LGSN: variants seen among roughly 807,000 people sequenced by gnomAD.
The protein encoded by LGSN is lengsin, lens protein with glutamine synthetase domain, also known as lengsin.
A neutral mutation model predicts 19.5 loss-of-function variants in LGSN; 21 were observed. That is an observed-to-expected ratio of 1.07 (90% CI 0.76 to 1.55). LGSN has a LOEUF of 1.55. Ranked by LOEUF, LGSN falls within the 40% of genes most tolerant of loss-of-function variation. The pLI is 0.00. For synonymous variants in LGSN, 257 were observed against 215.6 expected (o/e 1.19, Z -1.68); for missense variants, 673 against 608.5 (o/e 1.11, Z -1.12).
chr6:63,463,704 C>A, the LGSN span, among the ~76,000 whole-genome samples: 1 of 152,106 alleles, frequency 6.6e-6, no homozygotes, highest in Non-Finnish European at 1.5e-5. Flanking sequence ...GGTACTCAAC[C>A]AAACTAGGCT....
chr6:63,460,097 T>TG, the LGSN span, among the ~76,000 whole-genome samples: 1 of 131,196 alleles, frequency 7.6e-6, no homozygotes, highest in Non-Finnish European at 1.6e-5. Context: ...AAGATTTCAT[T>TG]CCCTTTTTTT....
chr6:63,530,789 A>G, the LGSN span, among the ~76,000 whole-genome samples: 4 of 152,172 alleles, frequency 2.6e-5, no homozygotes, highest in African/African-American at 7.2e-5. Flanking sequence ...GTATTTTAAC[A>G]TTGAATAAAT....
chr6:63,319,382 G>T (rs1768998754), intron 1 of LGSN, among the ~76,000 whole-genome samples: 1 of 152,160 alleles, frequency 6.6e-6, no homozygotes, highest in Non-Finnish European at 1.5e-5. Flanking sequence ...CAAGAGTGAA[G>T]GTTGGGTACA....
At chr6:63,444,174 C>T in the LGSN span, among the ~76,000 whole-genome samples, 4 of 152,122 alleles carry the variant, frequency 2.6e-5, no homozygotes, top group Non-Finnish European at 2.9e-5. Flanking sequence ...TCAGTATTCA[C>T]TCATTTAATC....
the LGSN span, among the ~76,000 whole-genome samples, chr6:63,368,008 T>TAAATG: frequency 2.0e-5 from 3 of 150,704 alleles, no homozygotes; most frequent in Non-Finnish European, 4.4e-5. Context: ...AGTTAAGGGG[T>TAAATG]ACAGCACACC....
chr6:63,475,038 A>G, the LGSN span, among the ~76,000 whole-genome samples: 2 of 152,186 alleles, frequency 1.3e-5, no homozygotes, highest in Non-Finnish European at 2.9e-5. Context: ...TCCATTGTAG[A>G]CGTTCAACTA....
At chr6:63,298,276 T>A (rs1409502260) in intron 1 of LGSN, among the ~76,000 whole-genome samples, 2 of 152,184 alleles carry the variant, frequency 1.3e-5, no homozygotes, top group Admixed American at 1.3e-4. Context: ...GAGATCCCCA[T>A]GCGTTTGTGT....
chr6:63,463,840 C>T, the LGSN span, among the ~76,000 whole-genome samples: 2 of 152,110 alleles, frequency 1.3e-5, no homozygotes, highest in Non-Finnish European at 2.9e-5. Context: ...TAATTTAATA[C>T]TTGAACAAAC....
chr6:63,517,693 C>T, the LGSN span, among the ~76,000 whole-genome samples: 3 of 152,056 alleles, frequency 2.0e-5, no homozygotes, highest in African/African-American at 7.2e-5. Context: ...CAGAAATTGT[C>T]AATAATGATC....
chr6:63,286,430 C>T (rs935552100), intron 2 of LGSN, among the ~76,000 whole-genome samples: 7 of 151,958 alleles, frequency 4.6e-5, no homozygotes, highest in East Asian at 3.9e-4. Context: ...ACATTCTTTT[C>T]GAGACTTTTA....
chr6:63,404,905 C>T, the LGSN span, among the ~76,000 whole-genome samples: 1 of 151,900 alleles, frequency 6.6e-6, no homozygotes, highest in Non-Finnish European at 1.5e-5. Flanking sequence ...ACTGCACCCA[C>T]TAACTCATCA....
the LGSN span, among the ~76,000 whole-genome samples, chr6:63,565,753 A>C: frequency 6.6e-6 from 1 of 152,202 alleles, no homozygotes; most frequent in African/African-American, 2.4e-5. Flanking sequence ...TAAATTTCCC[A>C]CAGAAATTAG....
At chr6:63,291,405 G>A (rs903363049) in intron 2 of LGSN, among the ~76,000 whole-genome samples, 5 of 152,194 alleles carry the variant, frequency 3.3e-5, no homozygotes, top group African/African-American at 1.2e-4. Context: ...GTGGCTCTCA[G>A]TGGGATGGTT....
the LGSN span, among the ~76,000 whole-genome samples, chr6:63,358,843 G>T: frequency 0.016 from 2,373 of 152,186 alleles, 67 homozygotes; most frequent in African/African-American, 0.055. Flanking sequence ...CTGCCTGAGT[G>T]CCCTGTCCAG....
the LGSN span, among the ~76,000 whole-genome samples, chr6:63,402,389 C>G: frequency 6.7e-6 from 1 of 150,232 alleles, no homozygotes; most frequent in Non-Finnish European, 1.5e-5. Flanking sequence ...AATTTAAGAA[C>G]TTGACCATGA....
At chr6:63,330,468 G>T in the LGSN span, among the ~76,000 whole-genome samples, 1 of 152,120 alleles carries the variant, frequency 6.6e-6, no homozygotes, top group South Asian at 2.1e-4. Context: ...TGATATCTGC[G>T]GCTGATTAGG....
At position 63,279,976 on chromosome 6, in the gene LGSN, T is replaced by C. The variant is rs746752150; in HGVS notation, c.*45A>G. On this transcript the variant is annotated 3_prime_UTR_variant, in exon 4 of 4. Transcript: ENST00000370657. ...GTCTTTTTGTTTTGGTAGATTAGCT[T>C]TAAGTAACAATTACATGTCTAAAGG... 8 of 1,489,646 alleles carry C rather than the reference T, an allele frequency of 5.4e-6. No homozygotes were observed. Among genetic ancestry groups the C allele is most frequent in the Non-Finnish European group, 7.2e-6 (8 of 1,110,438 alleles). 92.3% of individuals were successfully genotyped at this position (1,489,646 alleles called of 1,614,324 possible). A position where few individuals can be genotyped will look rare whatever the true frequency, so the allele number is the denominator to read the frequency against.
At chr6:63,287,722 A>G (rs1251211036) in intron 2 of LGSN, among the ~76,000 whole-genome samples, 1 of 152,080 alleles carries the variant, frequency 6.6e-6, no homozygotes, top group Non-Finnish European at 1.5e-5. Context: ...TAATAATAAT[A>G]ATATGGAAAT....
the LGSN span, among the ~76,000 whole-genome samples, chr6:63,435,847 CT>C: frequency 6.8e-6 from 1 of 147,554 alleles, no homozygotes; most frequent in Non-Finnish European, 1.5e-5. Context: ...CGAAAGTTTT[CT>C]TTCAGTTTTA....
Sources: allele counts gnomAD v4.1 joint callset (sites outside exome capture counted in the v4.1 genomes callset), GRCh38; gene constraint gnomAD v4.1.1; transcripts MANE v1.5; gene names NCBI Gene and HGNC (gene_info 2026-07-23, HGNC 2026-07-21).